Variants in RNLS observed in about 807,000 individuals in gnomAD.
The protein encoded by RNLS is renalase, FAD dependent amine oxidase.
RNLS carries 39 observed loss-of-function variants against 39.8 expected under a neutral mutation model. The ratio of observed to expected loss-of-function variants is 0.98; its 90% CI spans 0.76 to 1.28. RNLS has a LOEUF of 1.28. RNLS is among the 50% of genes most tolerant of loss of function. RNLS has a pLI of 0.00. For missense variants in RNLS, 410 were observed against 413.3 expected, an observed-to-expected ratio of 0.99 and a Z score of 0.07; for synonymous variants, 147 against 150.7, an observed-to-expected ratio of 0.98 and a Z score of 0.18.
chr10:88,371,835 C>G (rs1850582449), intron 4 of RNLS, among the ~76,000 whole-genome samples: 1 of 152,118 alleles, frequency 6.6e-6, no homozygotes, highest in South Asian at 2.1e-4. Flanking sequence ...CAGGTAAATT[C>G]CGCCTAGTTA....
the RNLS span, among the ~76,000 whole-genome samples, chr10:88,201,369 G>A: frequency 6.6e-6 from 1 of 152,122 alleles, no homozygotes; most frequent in Non-Finnish European, 1.5e-5. Flanking sequence ...TGAAAGTGAT[G>A]CATGCCAACC....
chr10:88,519,445 T>C (rs533148455), intron 4 of RNLS, among the ~76,000 whole-genome samples: 1 of 151,154 alleles, frequency 6.6e-6, no homozygotes, highest in Admixed American at 6.6e-5. Context: ...AAACATACCT[T>C]GTGTCTCTCT....
rs61853481 is a variant in RNLS, at chr10:88,321,954, A to G, written c.701-7313T>C. On this transcript the variant is annotated intron_variant, in intron 5 of 6. Coordinates refer to ENST00000331772, the MANE Select transcript of RNLS (RefSeq NM_001031709.3). ...GAGGCATTCTTCCCCAACTCATTCT[A>G]TGAAACCAGTATCATCCAAAATCTG... 3.9e-3 allele frequency among the ~76,000 whole-genome samples: 589 copies of G among 152,340 alleles called. 1 individual carries two copies. Among genetic ancestry groups the G allele is most frequent in the Non-Finnish European group, 6.3e-3 (429 of 68,026 alleles).
chr10:88,425,732 T>C (rs889849528), intron 4 of RNLS, among the ~76,000 whole-genome samples: 3 of 152,000 alleles, frequency 2.0e-5, no homozygotes, highest in Non-Finnish European at 2.9e-5. Context: ...GGTTTAGACA[T>C]CAGCTGCTAT....
chr10:88,561,820 G>A (rs1345139432), intron 4 of RNLS, among the ~76,000 whole-genome samples: 1 of 152,104 alleles, frequency 6.6e-6, no homozygotes, highest in East Asian at 1.9e-4. Context: ...TATCCTTCAT[G>A]TGTGAAATGC....
At chr10:88,411,574 A>T (rs1469647584) in intron 4 of RNLS, among the ~76,000 whole-genome samples, 1 of 151,320 alleles carries the variant, frequency 6.6e-6, no homozygotes, top group Admixed American at 6.6e-5. Context: ...AAGCACTAAC[A>T]CTCACACTTA....
chr10:88,569,144 G>C (rs1048573016), intron 4 of RNLS, among the ~76,000 whole-genome samples: 2 of 152,018 alleles, frequency 1.3e-5, no homozygotes, highest in South Asian at 2.1e-4. Context: ...GTCAGGCTTG[G>C]GAATAGCTAT....
chr10:88,239,245 G>A, the RNLS span, among the ~76,000 whole-genome samples: 1 of 152,120 alleles, frequency 6.6e-6, no homozygotes, highest in East Asian at 1.9e-4. Flanking sequence ...CCTTTGATGG[G>A]TTAACCGCAG....
At chr10:88,178,939 C>T in the RNLS span, among the ~76,000 whole-genome samples, 2 of 152,082 alleles carry the variant, frequency 1.3e-5, no homozygotes, top group African/African-American at 4.8e-5. Flanking sequence ...ACTCACTGAG[C>T]AAATATTTAT....
At chr10:88,582,723 C>CA (rs1850673309) in intron 1 of RNLS, among the ~76,000 whole-genome samples, 2 of 152,214 alleles carry the variant, frequency 1.3e-5, no homozygotes, top group South Asian at 4.1e-4. Flanking sequence ...CAGACCAAGA[C>CA]AAAAAATCTA....
intron 6 of RNLS, among the ~76,000 whole-genome samples, chr10:88,290,892 T>C (rs1843623542): frequency 6.6e-6 from 1 of 152,234 alleles, no homozygotes; most frequent in Non-Finnish European, 1.5e-5. Flanking sequence ...GTATGGATTA[T>C]GCTTTTTTCT....
At chr10:88,578,850 A>G (rs1240646740) in intron 3 of RNLS, among the ~76,000 whole-genome samples, 3 of 152,126 alleles carry the variant, frequency 2.0e-5, no homozygotes, top group Non-Finnish European at 2.9e-5. Context: ...CAGGACATCA[A>G]CTCCATGAAG....
chr10:88,532,411 G>A lies in RNLS; in HGVS notation c.526+40492C>T, dbSNP rs559359802. Among the ~76,000 whole-genome samples the A allele has an allele frequency of 3.9e-5, 6 of 152,024 alleles. No individual in the cohort carries two copies. In the South Asian group the frequency reaches 6.2e-4, roughly 16 times the overall value. On this transcript the variant is annotated intron_variant, in intron 4 of 6. Coordinates refer to ENST00000331772, the MANE Select transcript of RNLS (RefSeq NM_001031709.3). The stretch of plus-strand genomic sequence containing the variant: ...TACTGCTCCTATGGGAAAAATAAAT[G>A]ATTGATTTTTCCATAATCTAGTTTT...
downstream of RNLS, among the ~76,000 whole-genome samples, chr10:88,283,817 G>C (rs550788886): frequency 6.6e-6 from 1 of 152,192 alleles, no homozygotes; most frequent in South Asian, 2.1e-4. Flanking sequence ...TGAGAGTAGA[G>C]GGTGGGAGGG....
In RNLS at chr10:88,583,054, T is replaced by G. The variant is rs745308080; in HGVS notation, c.118+19A>C. On this transcript the variant is annotated intron_variant, in intron 1 of 6. Transcript: ENST00000331772. ...CCGGCAGTCCTCTTTTCCCAGGTTT[T>G]GGCGTTTAGACAACCCACCTGAGTC... The G allele has an allele frequency of 6.2e-7, 1 of 1,606,464 alleles. No individual in the cohort carries two copies. The highest frequency in any genetic ancestry group is 1.7e-5 in the Admixed American group (1 of 59,282).
chr10:88,565,150 A>G (rs1849419572), intron 4 of RNLS, among the ~76,000 whole-genome samples: 1 of 152,194 alleles, frequency 6.6e-6, no homozygotes, highest in Admixed American at 6.5e-5. Context: ...ATGGGCCTAA[A>G]TTTATTTCCC....
Position 88,284,390 on chromosome 10 carries a change from G to A in RNLS, c.*964C>T, listed in dbSNP as rs185503816. On this transcript the variant is annotated 3_prime_UTR_variant, in exon 7 of 7. Coordinates refer to ENST00000331772, the MANE Select transcript of RNLS (RefSeq NM_001031709.3). ...AAATTAGCAACAGGTAGCTGGTTTG[G>A]AAGGCTGGAGATTGATTTCTCTCCA... 1.9e-4 allele frequency: 190 copies of A among 985,330 alleles called. No homozygotes were observed. The East Asian group carries it at 0.016, about 81-fold the overall frequency. The allele number at this position is 985,330 out of a possible 1,614,324, so 61.0% of individuals were successfully genotyped here. A position where few individuals can be genotyped will look rare whatever the true frequency, so the allele number is the denominator to read the frequency against.
the RNLS span, among the ~76,000 whole-genome samples, chr10:88,219,695 G>C: frequency 3.9e-5 from 6 of 152,144 alleles, no homozygotes; most frequent in Admixed American, 3.9e-4. Context: ...CTCCTCTTAA[G>C]GGGGAGTACC....
chr10:88,542,948 CACA>C (rs1021628749), intron 4 of RNLS, among the ~76,000 whole-genome samples: 1 of 122,536 alleles, frequency 8.2e-6, no homozygotes, highest in African/African-American at 3.5e-5. Context: ...TTTCCTAACA[CACA>C]ACAATGAGGA....
Sources: allele counts gnomAD v4.1 joint callset (sites outside exome capture counted in the v4.1 genomes callset), GRCh38; gene constraint gnomAD v4.1.1; transcripts MANE v1.5; gene names NCBI Gene and HGNC (gene_info 2026-07-23, HGNC 2026-07-21).